The following ZSWIM2 variants were observed in gnomAD, a reference collection of about 807,000 sequenced individuals.
ZSWIM2 encodes zinc finger SWIM-type containing 2.
ZSWIM2 carries 38 observed loss-of-function variants against 48.4 expected under a neutral mutation model. The ratio of observed to expected loss-of-function variants is 0.79; its 90% confidence interval spans 0.61 to 1.03. The LOEUF is 1.03. ZSWIM2 is among the 50% of genes least tolerant of loss of function. The probability of loss-of-function intolerance (pLI) is 0.00; values close to 1 mark genes in which losing one functional copy is unlikely to be tolerated. For synonymous variants in ZSWIM2, 240 were observed against 251.3 expected (o/e 0.96, Z 0.42); for missense variants, 776 against 730.2 (o/e 1.06, Z -0.72).
At chr2:186,848,183 A>G (rs1692040553) in intron 1 of ZSWIM2, among the ~76,000 whole-genome samples, 1 of 152,180 alleles carries the variant, frequency 6.6e-6, no homozygotes, top group Admixed American at 6.5e-5. Flanking sequence ...TGAGTCGGTG[A>G]ATTTATTTAA....
chr2:186,848,737 G>C (rs1313106236), intron 1 of ZSWIM2: 4 of 478,426 alleles, frequency 8.4e-6, no homozygotes, highest in African/African-American at 7.8e-5. Context: ...TTTTACAAGA[G>C]TTGCAGTTTG....
intron 5 of ZSWIM2, among the ~76,000 whole-genome samples, chr2:186,835,037 T>C (rs553547596): frequency 6.6e-6 from 1 of 152,322 alleles, no homozygotes; most frequent in East Asian, 1.9e-4. Flanking sequence ...TACCTCTTTC[T>C]CTACATTCTT....
rs1692001110 is a variant in ZSWIM2 at position 186,846,263 on chromosome 2, A to G, written c.242+1456T>C. ...CAAAGAGCTAACATCCTGAATCTATAAGGAACTGAAACAACTCAACAGGAA... is the reference window on the plus strand; with the variant it reads ...CAAAGAGCTAACATCCTGAATCTATGAGGAACTGAAACAACTCAACAGGAA... On this transcript the variant is annotated intron_variant, in intron 2 of 8. Transcript: ENST00000295131. Among the ~76,000 whole-genome samples the G allele has an allele frequency of 1.3e-5, 2 of 152,008 alleles. 1 individual carries two copies. Among genetic ancestry groups the G allele is most frequent in the South Asian group, 4.1e-4 (2 of 4,832 alleles).
rs374022429 is a variant in ZSWIM2, at chr2:186,837,332, C to T, written c.717G>A (p.Gln239=). Residue 239 remains glutamine, a synonymous_variant, in exon 5 of 9, where the codon CAG becomes CAA. Coordinates refer to ENST00000295131, the MANE Select transcript of ZSWIM2 (RefSeq NM_182521.3). ...HLGIPCNNCK[Q]FPIEGKCYKC... is the part of the protein sequence containing the mutation. ...TATAACACTTCCCCTCAATTGGAAA[C>T]TGTTTGCAGTTATTACAGGGAATCC... 7 of 1,612,600 alleles carry T rather than the reference C, an allele frequency of 4.3e-6. No individual in the cohort carries two copies. Among genetic ancestry groups the T allele is most frequent in the Non-Finnish European group, 5.9e-6 (7 of 1,179,122 alleles).
chr2:186,838,924 A>G (rs756713183), intron 4 of ZSWIM2, 35 bp downstream of exon 4: 6 of 1,566,280 alleles, frequency 3.8e-6, no homozygotes, highest in South Asian at 1.2e-5. Context: ...AGAATTTTTA[A>G]TTAGTTTTAA....
At chr2:186,842,848 A>G (rs1691928955) in intron 3 of ZSWIM2, among the ~76,000 whole-genome samples, 1 of 151,658 alleles carries the variant, frequency 6.6e-6, no homozygotes, top group East Asian at 1.9e-4. Context: ...AAAATGTATA[A>G]GTATGTAACA....
intron 7 of ZSWIM2, among the ~76,000 whole-genome samples, chr2:186,832,414 G>A (rs927112791): frequency 1.3e-5 from 2 of 151,972 alleles, no homozygotes; most frequent in Non-Finnish European, 2.9e-5. Flanking sequence ...GAGCCACAGC[G>A]CCCGGCCTAA....
intron 2 of ZSWIM2, among the ~76,000 whole-genome samples, chr2:186,846,948 T>C (rs1431853466): frequency 6.6e-6 from 1 of 151,872 alleles, no homozygotes; most frequent in African/African-American, 2.4e-5. Flanking sequence ...ATACTGCATG[T>C]TCTCAGTTGT....
intron 7 of ZSWIM2, among the ~76,000 whole-genome samples, chr2:186,830,184 A>G (rs1366259453): frequency 6.6e-6 from 1 of 152,278 alleles, no homozygotes; most frequent in East Asian, 1.9e-4. Context: ...GTTTGAGACC[A>G]GCCTGGCCAA....
chr2:186,839,602 A>C (rs1559114667), intron 3 of ZSWIM2, among the ~76,000 whole-genome samples: 1 of 151,774 alleles, frequency 6.6e-6, no homozygotes, highest in Non-Finnish European at 1.5e-5. Flanking sequence ...TAGATGAATA[A>C]GTGAATTAAA....
intron 2 of ZSWIM2, among the ~76,000 whole-genome samples, chr2:186,847,516 G>C (rs568970750): frequency 1.3e-5 from 2 of 151,960 alleles, no homozygotes; most frequent in African/African-American, 4.8e-5. Flanking sequence ...TTATAAAATG[G>C]TTCTCAATTT....
rs376715007 is a variant in ZSWIM2, at chr2:186,828,024, C to G, written c.1862G>C (p.Ser621Thr). The change falls in exon 9 of 9, where the codon AGT becomes ACT. Residue 621 changes from serine (S) to threonine (T), a missense_variant. Coordinates refer to ENST00000295131, the MANE Select transcript of ZSWIM2 (RefSeq NM_182521.3). ...TTCTATTATTAAAGATAGCTCAGTA[C>G]TTTTTGTATTTACAGAGTGAGACAC... Reference protein sequence around the residue: ...QPVSHSVNTKSTELSLIIEGV... With the variant: ...QPVSHSVNTKTTELSLIIEGV... The G allele has an allele frequency of 1.9e-6, 3 of 1,608,890 alleles. No homozygotes were observed. The African/African-American group carries it at 4.0e-5, about 22-fold the overall frequency.
Position 186,829,650 on chromosome 2 carries a change from G to C in ZSWIM2, c.1095+77C>G. ...ACAGAGCACAACTCAAAAGTAAAAGGACAGACTTAAATTGTCACTTCATTT... is the reference window on the plus strand; with the variant it reads ...ACAGAGCACAACTCAAAAGTAAAAGCACAGACTTAAATTGTCACTTCATTT... On this transcript the variant is annotated intron_variant, in intron 8 of 8. Coordinates refer to ENST00000295131, the MANE Select transcript of ZSWIM2 (RefSeq NM_182521.3). The C allele has an allele frequency of 2.0e-6, 3 of 1,476,118 alleles. No homozygotes were observed. In the South Asian group the frequency reaches 3.8e-5, roughly 19 times the overall value. 91.4% of individuals were successfully genotyped at this position (1,476,118 alleles called of 1,614,324 possible).
chr2:186,830,577 G>C (rs886640254), intron 7 of ZSWIM2, among the ~76,000 whole-genome samples: 1 of 151,850 alleles, frequency 6.6e-6, no homozygotes, highest in African/African-American at 2.4e-5. Flanking sequence ...GGAAGTGAAG[G>C]GTATGGTAAG....
intron 5 of ZSWIM2, among the ~76,000 whole-genome samples, chr2:186,836,247 T>C (rs73037781): frequency 0.013 from 1,911 of 152,196 alleles, 38 homozygotes; most frequent in African/African-American, 0.043. Context: ...ATACGATGGC[T>C]GCTAATACCA....
At chr2:186,842,145 C>G (rs902434046) in intron 3 of ZSWIM2, among the ~76,000 whole-genome samples, 1 of 151,236 alleles carries the variant, frequency 6.6e-6, no homozygotes, top group Admixed American at 6.6e-5. Context: ...AAAAGAATCT[C>G]TGAATGATGT....
chr2:186,845,912 G>T (rs1691989900), intron 2 of ZSWIM2, among the ~76,000 whole-genome samples: 1 of 151,642 alleles, frequency 6.6e-6, no homozygotes, highest in Admixed American at 6.6e-5. Flanking sequence ...AATAAATAGT[G>T]CTGGGAAAAT....
intron 7 of ZSWIM2, 24 bp from the exon 8 acceptor site, chr2:186,829,904 T>C (rs541479680): frequency 6.2e-7 from 1 of 1,612,444 alleles, no homozygotes; most frequent in East Asian, 2.2e-5. Flanking sequence ...AGCAGAGACA[T>C]GAGTGTTTAC....
rs1691622877 is a variant in ZSWIM2 at position 186,827,814 on chromosome 2, A to G, written c.*170T>C. ...GAAGACACCTAATGCTGTAAGTCAT[A>G]TAAGTAATAGAATCATTTCCTTTAA... is the stretch of plus-strand genomic sequence containing the variant. On this transcript the variant is annotated 3_prime_UTR_variant, in exon 9 of 9. Transcript: ENST00000295131. 8 of 474,734 alleles carry G rather than the reference A, an allele frequency of 1.7e-5. No individual in the cohort carries two copies. In the South Asian group the frequency reaches 2.9e-4, roughly 17 times the overall value. 29.4% of individuals were successfully genotyped at this position (474,734 alleles called of 1,614,324 possible).
Sources: allele counts gnomAD v4.1 joint callset (sites outside exome capture counted in the v4.1 genomes callset), GRCh38; gene constraint gnomAD v4.1.1; transcripts MANE v1.5; gene names NCBI Gene and HGNC (gene_info 2026-07-23, HGNC 2026-07-21).